The following GTF2A1L variants were observed in gnomAD, a reference collection of about 807,000 sequenced individuals.
GTF2A1L encodes the protein TFIIA-alpha and beta-like factor.
Under a neutral mutation model 49.7 loss-of-function variants are expected in GTF2A1L, and 48 were observed. The ratio of observed to expected loss-of-function variants is 0.97; its 90% CI spans 0.77 to 1.23. The LOEUF (loss-of-function observed/expected upper bound fraction) is 1.23, where lower values mean the gene tolerates loss of function less well. Among genes scored for constraint, GTF2A1L ranks in the 50% most tolerant of loss-of-function variants. The probability of loss-of-function intolerance (pLI) is 0.00; values close to 1 mark genes in which losing one functional copy is unlikely to be tolerated. For missense variants in GTF2A1L, 736 were observed against 564.8 expected (o/e 1.30, Z -3.07); for synonymous variants, 246 against 193.5 (o/e 1.27, Z -2.25).
At chr2:48,679,126 T>C (rs1679625992) in intron 8 of GTF2A1L, among the ~76,000 whole-genome samples, 1 of 152,006 alleles carries the variant, frequency 6.6e-6, no homozygotes, top group Non-Finnish European at 1.5e-5. Flanking sequence ...AATATATGTA[T>C]CTTAAACTAA....
At chr2:48,646,077 A>G (rs950401191) in intron 5 of GTF2A1L, among the ~76,000 whole-genome samples, 6 of 151,964 alleles carry the variant, frequency 3.9e-5, no homozygotes, top group Non-Finnish European at 1.5e-5. Flanking sequence ...TATATGAAGT[A>G]TATTTTACAT....
chr2:48,620,929 C>T lies in GTF2A1L; in HGVS notation c.100C>T (p.Gln34Ter). ...ATTTGCTGAAGAAGGTATAGAGGAACAAGTTTTAAAAGACTTGAAGCAGGT... is the reference window on the plus strand; with the variant it reads ...ATTTGCTGAAGAAGGTATAGAGGAATAAGTTTTAAAAGACTTGAAGCAGGT... ...NLFAEEGIEE[Q>*]VLKDLKQLWE... The change falls in exon 2 of 9, where the codon CAA becomes TAA. Residue 34 changes from glutamine to a stop codon, truncating the protein, a stop_gained. Transcript: ENST00000403751. LOFTEE classifies it high-confidence loss of function. The T allele has an allele frequency of 6.2e-7, 1 of 1,602,286 alleles. No individual in the cohort carries two copies. Among genetic ancestry groups the T allele is most frequent in the East Asian group, 2.2e-5 (1 of 44,454 alleles).
At chr2:48,660,472 A>G (rs1271057899) in intron 6 of GTF2A1L, among the ~76,000 whole-genome samples, 1 of 151,922 alleles carries the variant, frequency 6.6e-6, no homozygotes, top group Non-Finnish European at 1.5e-5. Context: ...ACTTATTAAG[A>G]TTTTCTATTG....
intron 3 of GTF2A1L, 26 bp from the exon 4 acceptor site, chr2:48,642,376 G>A (rs531855080): frequency 1.6e-5 from 24 of 1,540,584 alleles, no homozygotes; most frequent in Non-Finnish European, 2.0e-5. Context: ...TCTAATGAAT[G>A]TATATTTATT....
intron 6 of GTF2A1L, among the ~76,000 whole-genome samples, chr2:48,658,325 G>T (rs567709033): frequency 1.3e-5 from 2 of 152,158 alleles, no homozygotes; most frequent in African/African-American, 2.4e-5. Flanking sequence ...CATATGGCTA[G>T]CCAGCTATCC....
chr2:48,620,405 AG>A (rs1028399169), intron 1 of GTF2A1L, among the ~76,000 whole-genome samples: 3 of 152,228 alleles, frequency 2.0e-5, no homozygotes, highest in African/African-American at 7.2e-5. Flanking sequence ...ACATAGTAAA[AG>A]TTTTAATGGT....
At chr2:48,632,580 A>C (rs1015923453) in intron 3 of GTF2A1L, 1 of 152,990 alleles carries the variant, frequency 6.5e-6, no homozygotes, top group Admixed American at 6.6e-5. Flanking sequence ...ATGGTGTTTC[A>C]CCATATTGGC....
intron 3 of GTF2A1L, among the ~76,000 whole-genome samples, chr2:48,622,710 T>C: frequency 6.6e-6 from 1 of 152,078 alleles, no homozygotes; most frequent in Non-Finnish European, 1.5e-5. Context: ...GGCTCATGCC[T>C]GTAATCCTAG....
intron 6 of GTF2A1L, among the ~76,000 whole-genome samples, chr2:48,664,076 A>C (rs1048236889): frequency 6.6e-6 from 1 of 152,138 alleles, no homozygotes; most frequent in Non-Finnish European, 1.5e-5. Context: ...TATGTAGACT[A>C]TAATCTATTT....
At chr2:48,640,277 A>C (rs545537295) in intron 3 of GTF2A1L, among the ~76,000 whole-genome samples, 1 of 152,360 alleles carries the variant, frequency 6.6e-6, no homozygotes, top group Non-Finnish European at 1.5e-5. Flanking sequence ...AATAGCAAAG[A>C]CAGGGAATCA....
intron 6 of GTF2A1L, among the ~76,000 whole-genome samples, chr2:48,647,969 G>A (rs79616469): frequency 0.017 from 2,606 of 152,194 alleles, 29 homozygotes; most frequent in Non-Finnish European, 0.025. Flanking sequence ...CCATCATCTA[G>A]ACCCACTGTA....
rs1372124954 is a variant in GTF2A1L at position 48,627,011 on chromosome 2, C to T, written c.247+5721C>T. Among the ~76,000 whole-genome samples the T allele has an allele frequency of 2.1e-5, 3 of 143,242 alleles. 1 individual carries two copies. Among genetic ancestry groups the T allele is most frequent in the Non-Finnish European group, 4.7e-5 (3 of 63,788 alleles). 94.0% of individuals were successfully genotyped at this position (143,242 alleles called of 152,430 possible). On this transcript the variant is annotated intron_variant, in intron 3 of 8. Coordinates refer to ENST00000403751, the MANE Select transcript of GTF2A1L (RefSeq NM_006872.5). ...ATCCTGCAACTTTACTGAGTTCATC[C>T]TCTTTAAATATTTGGTAGAATTCAG...
intron 3 of GTF2A1L, among the ~76,000 whole-genome samples, chr2:48,642,051 A>G (rs535471078): frequency 6.6e-6 from 1 of 152,220 alleles, no homozygotes; most frequent in Non-Finnish European, 1.5e-5. Flanking sequence ...ATTTATGCTC[A>G]ATATTATAGT....
chr2:48,632,822 G>A (rs1175681263), intron 3 of GTF2A1L: 1 of 212,208 alleles, frequency 4.7e-6, no homozygotes, highest in Non-Finnish European at 9.2e-6. Flanking sequence ...GTGATGACAG[G>A]TGATAGAGCC....
chr2:48,677,550 T>C (rs1416376200), intron 8 of GTF2A1L, among the ~76,000 whole-genome samples: 2 of 152,006 alleles, frequency 1.3e-5, no homozygotes, highest in African/African-American at 2.4e-5. Context: ...GTAAGGACTT[T>C]AGTTTTTGGA....
At chr2:48,633,884 A>G (rs1676728952) in intron 3 of GTF2A1L, among the ~76,000 whole-genome samples, 1 of 83,038 alleles carries the variant, frequency 1.2e-5, no homozygotes, top group Admixed American at 1.6e-4. Context: ...ATCATTATAT[A>G]ATGGCCTTCT....
In GTF2A1L at chr2:48,671,656, T is replaced by C; in HGVS notation, c.1305T>C (p.Asn435=). The C allele has an allele frequency of 1.2e-6, 2 of 1,613,678 alleles. No individual in the cohort carries two copies. Among genetic ancestry groups the C allele is most frequent in the Non-Finnish European group, 1.7e-6 (2 of 1,179,702 alleles). The change falls in exon 8 of 9, where the codon AAT becomes AAC. Residue 435 remains asparagine, a synonymous_variant. Transcript: ENST00000403751. ...TGCCAGACCTGTTTGACACGGATAA[T>C]GTTATTGTCTGTCAGTATGATAAGG... The part of the protein sequence containing the change: ...QDVPDLFDTD[N]VIVCQYDKIH...
At chr2:48,619,480 AAAT>A (rs1553371091) in intron 1 of GTF2A1L, among the ~76,000 whole-genome samples, 17 of 150,180 alleles carry the variant, frequency 1.1e-4, no homozygotes, top group East Asian at 3.9e-4. Flanking sequence ...AAAAAAAAAA[AAAT>A]AATAATAATA....
At chr2:48,642,581 G>GTGAGCCACCGCGCC in intron 4 of GTF2A1L, 124 bp downstream of exon 4, 2 of 907,214 alleles carry the variant, frequency 2.2e-6, no homozygotes, top group Non-Finnish European at 3.1e-6. Context: ...GTGGCCGGGC[G>GTGAGCCACCGCGCC]CGGTGGCTCA....
Sources: gnomAD v4.1 joint callset for allele counts (sites outside exome capture counted in the v4.1 genomes callset) on GRCh38, gnomAD v4.1.1 for gene constraint, MANE v1.5 for transcripts, NCBI Gene and HGNC (gene_info 2026-07-23, HGNC 2026-07-21) for gene names.